Variants in GAD1 observed in about 807,000 individuals in gnomAD.
GAD1 encodes the protein 67 kDa glutamic acid decarboxylase.
Under a neutral mutation model 75.2 loss-of-function variants are expected in GAD1, and 35 were observed. That is an observed-to-expected ratio of 0.47 (90% confidence interval 0.36 to 0.62). The LOEUF (loss-of-function observed/expected upper bound fraction) is 0.62. Among genes scored for constraint, GAD1 ranks in the 20% least tolerant of loss-of-function variants. The pLI, the probability that GAD1 is intolerant of heterozygous loss-of-function variation, is 0.00. For missense variants in GAD1, 490 were observed against 758.5 expected (o/e 0.65, Z 4.16); for synonymous variants, 257 against 271.9 (o/e 0.95, Z 0.54).
At chr2:170,854,596 G>A (rs1439951105) in intron 14 of GAD1, among the ~76,000 whole-genome samples, 1 of 152,010 alleles carries the variant, frequency 6.6e-6, no homozygotes, top group Non-Finnish European at 1.5e-5. Flanking sequence ...TGGTAGAGAC[G>A]GGGTTTCACC....
Position 170,858,623 on chromosome 2 carries a change from C to G in GAD1, c.1522-181C>G, listed in dbSNP as rs7578661. 0.25 allele frequency among the ~76,000 whole-genome samples: 37,914 copies of G among 152,004 alleles called. 5,095 individuals carry two copies. The highest frequency in any genetic ancestry group is 0.39 in the South Asian group (1,864 of 4,814). On this transcript the variant is annotated intron_variant, in intron 15 of 16. Coordinates refer to ENST00000358196, the MANE Select transcript of GAD1 (RefSeq NM_000817.3). ...GTTGTAGGGAACAGCTCTCTTGCCA[C>G]ATATGATTGGATAAATGAGGCATTG...
chr2:170,853,617 C>T lies in GAD1; in HGVS notation c.1264-256C>T, dbSNP rs1575445983. 8.7e-6 allele frequency: 4 copies of T among 459,792 alleles called. No individual in the cohort carries two copies. Among genetic ancestry groups the T allele is most frequent in the Non-Finnish European group, 1.2e-5 (3 of 248,502 alleles). 28.5% of individuals were successfully genotyped at this position (459,792 alleles called of 1,614,324 possible). ...CTTGAAACAATCCCAGACACCCATACACATTTCCCCTTAGAGGGATGGCAT... is the reference window on the plus strand; with the variant it reads ...CTTGAAACAATCCCAGACACCCATATACATTTCCCCTTAGAGGGATGGCAT... On this transcript the variant is annotated intron_variant, in intron 13 of 16. Coordinates refer to ENST00000358196, the MANE Select transcript of GAD1 (RefSeq NM_000817.3). This position sits in a 1 kb window ranked among gnomAD's most constrained non-coding sequence, Gnocchi z 4.1.
chr2:170,859,009 T>G (rs1034654392), intron 16 of GAD1, 116 bp downstream of exon 16: 8 of 962,940 alleles, frequency 8.3e-6, no homozygotes, highest in Non-Finnish European at 1.3e-5. Flanking sequence ...AGCCTTGGGG[T>G]GGGTTTCTAG....
At chr2:170,836,648 CT>C in intron 5 of GAD1, 144 bp from the exon 6 acceptor site, 1 of 701,328 alleles carries the variant, frequency 1.4e-6, no homozygotes, top group Non-Finnish European at 2.6e-6. Flanking sequence ...CCTGCCCTTC[CT>C]TTTTCAATAT....
At chr2:170,828,898 A>C (rs1575429623) in intron 3 of GAD1, 8 of 130,534 alleles carry the variant, frequency 6.1e-5, no homozygotes, top group East Asian at 2.3e-4. Flanking sequence ...TGTGGTCCTC[A>C]CTCTCCTTCC....
upstream of GAD1, among the ~76,000 whole-genome samples, chr2:170,814,566 G>A (rs1432492059): frequency 6.6e-6 from 1 of 152,198 alleles, no homozygotes; most frequent in African/African-American, 2.4e-5. Context: ...CGGCGTGCAG[G>A]ATAATATAAA....
At chr2:170,819,967 G>C (rs562906900) in intron 2 of GAD1, among the ~76,000 whole-genome samples, 1 of 152,248 alleles carries the variant, frequency 6.6e-6, no homozygotes, top group African/African-American at 2.4e-5. Flanking sequence ...CCGCCACCCA[G>C]GAGGGATACA....
chr2:170,842,497 T>G, intron 6 of GAD1: 5 of 1,317,408 alleles, frequency 3.8e-6, no homozygotes, highest in Non-Finnish European at 5.5e-6. Context: ...AAGCCCATCA[T>G]GAGTTTGCCT....
rs1575445906 is a variant in GAD1 at position 170,853,472 on chromosome 2, G to T, written c.1264-401G>T. On this transcript the variant is annotated intron_variant, in intron 13 of 16. Coordinates refer to ENST00000358196, the MANE Select transcript of GAD1 (RefSeq NM_000817.3). This position sits in a 1 kb window ranked among gnomAD's most constrained non-coding sequence, Gnocchi z 4.1. ...GTCATAGGAGGTCCTGGAAAGGTTG[G>T]AAGACTTTTGCCAGAGCGCTTTTGG... 3.8e-6 allele frequency: 1 copy of T among 262,928 alleles called. No homozygotes were observed. The highest frequency in any genetic ancestry group is 5.1e-5 in the South Asian group (1 of 19,772). The allele number at this position is 262,928 out of a possible 1,614,324, so 16.3% of individuals were successfully genotyped here.
intron 4 of GAD1, among the ~76,000 whole-genome samples, chr2:170,830,426 G>A (rs1019994178): frequency 1.3e-5 from 2 of 152,222 alleles, no homozygotes; most frequent in Non-Finnish European, 2.9e-5. Context: ...AGAGGCAGGG[G>A]TTCCCTGTCC....
At chr2:170,835,611 C>A (rs187627246) in intron 5 of GAD1, among the ~76,000 whole-genome samples, 1 of 152,302 alleles carries the variant, frequency 6.6e-6, no homozygotes, top group East Asian at 1.9e-4. Context: ...TTGTGTTAAT[C>A]TCTCTGTCTT....
intron 16 of GAD1, 37 bp from the exon 17 acceptor site, chr2:170,859,672 T>C: frequency 6.2e-7 from 1 of 1,608,764 alleles, no homozygotes; most frequent in East Asian, 2.2e-5. Flanking sequence ...GGTGTTCATA[T>C]CAATCTTGAG....
At chr2:170,835,960 T>C (rs1702360958) in intron 5 of GAD1, among the ~76,000 whole-genome samples, 1 of 152,172 alleles carries the variant, frequency 6.6e-6, no homozygotes, top group Admixed American at 6.5e-5. Flanking sequence ...TTGTGAGGGC[T>C]CTTAAGATGC....
intron 3 of GAD1, 26 bp downstream of exon 3, chr2:170,822,175 C>G: frequency 1.2e-6 from 2 of 1,607,432 alleles, no homozygotes; most frequent in South Asian, 1.1e-5. Context: ...CACTGGGGCC[C>G]GGCTGGGTGG....
intron 7 of GAD1, among the ~76,000 whole-genome samples, chr2:170,845,057 A>G (rs1702600756): frequency 6.6e-6 from 1 of 152,226 alleles, no homozygotes; most frequent in Non-Finnish European, 1.5e-5. Context: ...GCAGGTAACC[A>G]AGAAATGTCA....
intron 3 of GAD1, 157 bp from the exon 4 acceptor site, chr2:170,829,318 C>A (rs562427914): frequency 1.1e-5 from 9 of 796,460 alleles, no homozygotes; most frequent in African/African-American, 1.7e-5. Context: ...TGCCTGAAGG[C>A]GAGCAGTGCC....
At chr2:170,859,091 C>T (rs766480028) in intron 16 of GAD1, among the ~76,000 whole-genome samples, 198 bp downstream of exon 16, 26 of 152,252 alleles carry the variant, frequency 1.7e-4, no homozygotes, top group South Asian at 2.1e-4. Flanking sequence ...GTGGTTACCA[C>T]GGGAACTTCT....
Position 170,829,591 on chromosome 2 carries a change from T to C in GAD1, c.262T>C (p.Phe88Leu), listed in dbSNP as rs1355418981. The change falls in exon 4 of 17, where the codon TTC (phenylalanine) becomes CTC (leucine). Residue 88 changes from phenylalanine to leucine, a missense_variant. Phe to Leu is a conservative substitution (Grantham distance 22). Around this residue, in one of 3 missense-constraint regions of GAD1, gnomAD observed 165 missense variants for 216.4 expected, o/e 0.76. Transcript: ENST00000358196. ...SCENSDRDAR[F>L]RRTETDFSNL... ...TGAAAACAGCGACCGGGATGCCCGC[T>C]TCCGGCGCACAGAGACTGACTTCTC... 1 of 1,613,806 alleles carries C rather than the reference T, an allele frequency of 6.2e-7. No individual in the cohort carries two copies. The highest frequency in any genetic ancestry group is 1.1e-5 in the South Asian group (1 of 91,064).
At chr2:170,839,868 T>G (rs1702468261) in intron 6 of GAD1, among the ~76,000 whole-genome samples, 1 of 152,190 alleles carries the variant, frequency 6.6e-6, no homozygotes, top group South Asian at 2.1e-4. Context: ...AATGGCAAGA[T>G]CTATCATAAC....
Sources: allele counts gnomAD v4.1 joint callset (sites outside exome capture counted in the v4.1 genomes callset), GRCh38; gene constraint gnomAD v4.1.1; regional missense constraint gnomAD v4.1.1; non-coding constraint Gnocchi (gnomAD v3.1); transcripts MANE v1.5; gene names NCBI Gene and HGNC (gene_info 2026-07-23, HGNC 2026-07-21).